RADIL: variants seen among roughly 807,000 people sequenced by gnomAD.
RADIL encodes the protein Rap associating with DIL domain.
A neutral mutation model predicts 97.6 loss-of-function variants in RADIL; 99 were observed. The ratio of observed to expected loss-of-function variants is 1.01; its 90% confidence interval spans 0.86 to 1.20. RADIL has a LOEUF of 1.20. Among genes scored for constraint, RADIL ranks in the 50% most tolerant of loss-of-function variants. RADIL has a pLI of 0.00. For missense variants in RADIL, 1,765 were observed against 1,498.9 expected (o/e 1.18, Z -2.93); for synonymous variants, 803 against 691.8 (o/e 1.16, Z -2.52).
chr7:4,802,895 C>T (rs1782155961), intron 11 of RADIL, among the ~76,000 whole-genome samples: 1 of 128,146 alleles, frequency 7.8e-6, no homozygotes, highest in Non-Finnish European at 1.6e-5. Flanking sequence ...GGGGGGCCCC[C>T]TCCCCGGGCA....
chr7:4,841,602 G>A (rs1404306327), intron 2 of RADIL, among the ~76,000 whole-genome samples: 10 of 152,226 alleles, frequency 6.6e-5, no homozygotes, highest in Admixed American at 6.5e-5. Flanking sequence ...CTCTAGTGGA[G>A]AGGCAGAAAA....
rs182974694 is a variant in RADIL at position 4,832,706 on chromosome 7, T to C, written c.1417-528A>G. The stretch of plus-strand genomic sequence containing the variant: ...GTGAGACGAGATCACGCCACCGCAC[T>C]ACAGCCTGGGTGACAGAGCGAGACT... On this transcript the variant is annotated intron_variant, in intron 4 of 14. Transcript: ENST00000399583. Among the ~76,000 whole-genome samples the C allele has an allele frequency of 4.8e-3, 614 of 126,834 alleles. 5 individuals carry two copies. Among genetic ancestry groups the C allele is most frequent in the African/African-American group, 0.018 (580 of 32,510 alleles). 83.2% of individuals were successfully genotyped at this position (126,834 alleles called of 152,430 possible).
Position 4,835,055 on chromosome 7 carries a change from GC to G in RADIL, c.967del (p.Ala323ArgfsTer100). 6.2e-7 allele frequency: 1 copy of G among 1,608,398 alleles called. No homozygotes were observed. The highest frequency in any genetic ancestry group is 8.5e-7 in the Non-Finnish European group (1 of 1,177,982). Reference protein sequence around the residue: ...GRLVLEPIPGAHISVNFSEVG... With the variant: ...GRLVLEPIPGXHISVNFSEVG... ...CTCGGAGAAGTTGACGGAGATGTGCGCCCCGGGGATGGGCTCCAGGACCAGC... is the reference window on the plus strand; with the variant it reads ...CTCGGAGAAGTTGACGGAGATGTGCGCCCGGGGATGGGCTCCAGGACCAGC... On this transcript the variant is annotated frameshift_variant, in exon 4 of 15. Transcript: ENST00000399583. LOFTEE classifies it high-confidence loss of function. The surrounding 1 kb of genome is among the most constrained non-coding windows in gnomAD (Gnocchi z 5.8).
In RADIL at chr7:4,822,912, T is replaced by C. The variant is rs547450231; in HGVS notation, c.1455-358A>G. ...GCCAATATGTGTGTGTGTGCGTGTA[T>C]GCGTGCATGGGGGTGGGGGCTGGTC... On this transcript the variant is annotated intron_variant, in intron 5 of 14. Transcript: ENST00000399583. The surrounding 1 kb of genome is among the most constrained non-coding windows in gnomAD (Gnocchi z 5.3). Among the ~76,000 whole-genome samples, 3 of 152,126 alleles carry C rather than the reference T, an allele frequency of 2.0e-5. No homozygotes were observed. The highest frequency in any genetic ancestry group is 4.4e-5 in the Non-Finnish European group (3 of 68,010).
intron 4 of RADIL, 164 bp from the exon 5 acceptor site, chr7:4,832,342 T>C: frequency 2.9e-6 from 2 of 681,800 alleles, no homozygotes; most frequent in South Asian, 1.7e-5. Context: ...ACATTTTCCA[T>C]GTGACTTCAA....
intron 2 of RADIL, chr7:4,865,733 C>A (rs1784117467): frequency 9.3e-7 from 1 of 1,070,848 alleles, no homozygotes; most frequent in Non-Finnish European, 1.4e-6. Flanking sequence ...TGGGTGCAAT[C>A]AAGAGTGAAC....
At chr7:4,823,322 A>G (rs1782885593) in intron 5 of RADIL, among the ~76,000 whole-genome samples, 1 of 148,132 alleles carries the variant, frequency 6.8e-6, no homozygotes, top group Non-Finnish European at 1.5e-5. Flanking sequence ...CTGGCTAATT[A>G]TTAAAAACCT....
intron 5 of RADIL, among the ~76,000 whole-genome samples, chr7:4,825,545 G>A (rs1297630534): frequency 1.3e-5 from 2 of 151,974 alleles, no homozygotes; most frequent in African/African-American, 4.8e-5. Flanking sequence ...ATCACACCCA[G>A]GAAGAAAGGA....
At chr7:4,807,302 C>T (rs1782343635) in intron 9 of RADIL, among the ~76,000 whole-genome samples, 1 of 152,006 alleles carries the variant, frequency 6.6e-6, no homozygotes, top group Admixed American at 6.5e-5. Flanking sequence ...CCCCCACCAC[C>T]CTCACCCCTT....
At position 4,814,760 on chromosome 7, in the gene RADIL, C is replaced by T. The variant is rs1306796346; in HGVS notation, c.2139+518G>A. 1.3e-5 allele frequency among the ~76,000 whole-genome samples: 2 copies of T among 152,232 alleles called. No homozygotes were observed. The highest frequency in any genetic ancestry group is 2.9e-5 in the Non-Finnish European group (2 of 68,046). The stretch of plus-strand genomic sequence containing the variant: ...CCGGGGGAGGATCTGTCTCCCTGCT[C>T]TTCCGGTTGCTGTCAGAATTCAGTT... On this transcript the variant is annotated intron_variant, in intron 9 of 14. Transcript: ENST00000399583. This position sits in a 1 kb window ranked among gnomAD's most constrained non-coding sequence, Gnocchi z 4.5.
intron 9 of RADIL, chr7:4,809,387 G>A (rs1376303880): frequency 8.1e-6 from 8 of 985,260 alleles, no homozygotes; most frequent in Middle Eastern, 5.2e-4. Flanking sequence ...GGGGGGAGGC[G>A]GAGATCCTGA....
At chr7:4,803,811 G>C (rs1240254801) in intron 10 of RADIL, 57 bp from the exon 11 acceptor site, 1 of 1,468,948 alleles carries the variant, frequency 6.8e-7, no homozygotes, top group Non-Finnish European at 9.3e-7. Context: ...TCCCTCGCCA[G>C]GCCGCCCCGC....
chr7:4,880,792 A>G lies in RADIL; in HGVS notation c.-64-2589T>C, dbSNP rs1784467337. On this transcript the variant is annotated intron_variant, in intron 1 of 14. Coordinates refer to ENST00000399583, the MANE Select transcript of RADIL (RefSeq NM_018059.5). The surrounding 1 kb of genome is among the most constrained non-coding windows in gnomAD (Gnocchi z 4.5). The stretch of plus-strand genomic sequence containing the variant: ...TAAATACGATACCAAAAACTGGGGA[A>G]GCCCCCTCCAGGCAGGAGAAAGCCC... Among the ~76,000 whole-genome samples, 1 of 152,366 alleles carries G rather than the reference A, an allele frequency of 6.6e-6. No individual in the cohort carries two copies. The highest frequency in any genetic ancestry group is 1.9e-4 in the East Asian group (1 of 5,190).
In RADIL at chr7:4,809,549, C is replaced by G. The variant is rs1026436210; in HGVS notation, c.2140-3833G>C. Reference sequence around the variant, plus strand: ...GCGGCTGCTCGGGAGCCCCCAGGCCCGCCCAGGCACCACGGCAGGTCCCGC... The same window carrying G: ...GCGGCTGCTCGGGAGCCCCCAGGCCGGCCCAGGCACCACGGCAGGTCCCGC... On this transcript the variant is annotated intron_variant, in intron 9 of 14. Coordinates refer to ENST00000399583, the MANE Select transcript of RADIL (RefSeq NM_018059.5). The G allele has an allele frequency of 5.1e-6, 5 of 985,366 alleles. No individual in the cohort carries two copies. In the Admixed American group the frequency reaches 1.8e-4, roughly 36 times the overall value. 61.0% of individuals were successfully genotyped at this position (985,366 alleles called of 1,614,324 possible).
Position 4,842,792 on chromosome 7 carries a change from A to T in RADIL, c.536-6187T>A, listed in dbSNP as rs908648606. ...ATGAAGTGACTAGGAGTGGAGACGG[A>T]GGGGATAATGAAACGTTCCTGGGCT... On this transcript the variant is annotated intron_variant, in intron 2 of 14. Transcript: ENST00000399583. The surrounding 1 kb of genome is among the most constrained non-coding windows in gnomAD (Gnocchi z 4.5). Among the ~76,000 whole-genome samples, 4 of 152,174 alleles carry T rather than the reference A, an allele frequency of 2.6e-5. No homozygotes were observed. Among genetic ancestry groups the T allele is most frequent in the Non-Finnish European group, 4.4e-5 (3 of 68,006 alleles).
rs1193407346 is a variant in RADIL at position 4,803,652 on chromosome 7, T to C, written c.2393A>G (p.Gln798Arg). Residue 798 changes from glutamine (Q) to arginine (R), a missense_variant, in exon 11 of 15, where the codon CAG (glutamine) becomes CGG (arginine). By Grantham distance (43) the Gln-to-Arg change is conservative. Transcript: ENST00000399583. ...AAAGTGGCGGACGTAGAGCAGGTGC[T>C]GGTAGATGCTGTCGTCCAGGCAGTT... ...EANCLDDSIY[Q>R]HLLYVRHFLW... 4.5e-6 allele frequency: 7 copies of C among 1,550,742 alleles called. No individual in the cohort carries two copies. The highest frequency in any genetic ancestry group is 3.9e-5 in the Admixed American group (2 of 51,038).
At chr7:4,865,515 C>A (rs116492259) in intron 2 of RADIL, 2 of 781,822 alleles carry the variant, frequency 2.6e-6, no homozygotes, top group Non-Finnish European at 4.7e-6. Flanking sequence ...AGCAACTATG[C>A]GCAGCCAATA....
At chr7:4,812,047 CTG>C (rs895382545) in intron 9 of RADIL, among the ~76,000 whole-genome samples, 1 of 151,632 alleles carries the variant, frequency 6.6e-6, no homozygotes, top group African/African-American at 2.4e-5. Flanking sequence ...GCTACTTTTT[CTG>C]TGTGTGTTTT....
At chr7:4,805,446 TC>T in intron 10 of RADIL, 119 bp downstream of exon 10, 1 of 1,230,420 alleles carries the variant, frequency 8.1e-7, no homozygotes, top group South Asian at 2.2e-5. Context: ...TCCAGGGAGG[TC>T]CCCAGGAGAG....
Sources: allele counts gnomAD v4.1 joint callset (sites outside exome capture counted in the v4.1 genomes callset), GRCh38; gene constraint gnomAD v4.1.1; non-coding constraint Gnocchi (gnomAD v3.1); transcripts MANE v1.5; gene names NCBI Gene and HGNC (gene_info 2026-07-23, HGNC 2026-07-21).